SLC9C1: variants seen among roughly 807,000 people sequenced by gnomAD.
The protein encoded by SLC9C1 is sodium/hydrogen exchanger 10.
In SLC9C1, 97 loss-of-function variants were observed where a neutral mutation model predicts 140.9. The ratio of observed to expected loss-of-function variants is 0.69; its 90% CI spans 0.58 to 0.82. The LOEUF (loss-of-function observed/expected upper bound fraction) is 0.82. Among genes scored for constraint, SLC9C1 ranks in the 40% least tolerant of loss-of-function variants. The pLI is 0.00. For synonymous variants in SLC9C1, 440 were observed against 442.6 expected (o/e 0.99, Z 0.07); for missense variants, 1,340 against 1,389.3 (o/e 0.96, Z 0.56).
intron 28 of SLC9C1, among the ~76,000 whole-genome samples, chr3:112,150,819 T>TATATATATATATATAAATAC (rs2074945460): frequency 6.6e-5 from 3 of 45,232 alleles, no homozygotes; most frequent in African/African-American, 3.3e-4. Flanking sequence ...TAAATACATA[T>TATATATATATATATAAATAC]ACATATATAT....
intron 7 of SLC9C1, 138 bp downstream of exon 7, chr3:112,269,778 A>G (rs1357383632): frequency 1.3e-5 from 8 of 615,538 alleles, no homozygotes; most frequent in Non-Finnish European, 1.9e-5. Flanking sequence ...ATATCTTTTG[A>G]TAGATTATTT....
chr3:112,290,599 A>G (rs1009127102), intron 1 of SLC9C1, among the ~76,000 whole-genome samples: 4 of 151,956 alleles, frequency 2.6e-5, no homozygotes, highest in African/African-American at 9.7e-5. Flanking sequence ...TAGGTCCTGA[A>G]TATGTTTGTT....
In SLC9C1 at chr3:112,274,905, T is replaced by C. The variant is rs139072859; in HGVS notation, c.605A>G (p.His202Arg). Residue 202 changes from histidine to arginine, a missense_variant, in exon 6 of 29, where the codon CAT (histidine) becomes CGT (arginine). Transcript: ENST00000305815. The stretch of plus-strand genomic sequence containing the variant: ...TTTAAAAATATACTTACCTAAGGTA[T>C]GGTTTCTTTTACTTTGTAGTCTTTG... ...FDQRLQSKRN[H>R]TLAEEIVGGI... The C allele has an allele frequency of 6.6e-4, 1,018 of 1,550,994 alleles. 2 individuals are homozygous for C. Among genetic ancestry groups the C allele is most frequent in the South Asian group, 1.2e-3 (99 of 79,202 alleles).
chr3:112,258,683 C>T (rs1375830820), intron 10 of SLC9C1, among the ~76,000 whole-genome samples: 1 of 152,132 alleles, frequency 6.6e-6, no homozygotes. Context: ...TGGTCTCAAA[C>T]TCCTGACCTC....
intron 10 of SLC9C1, among the ~76,000 whole-genome samples, chr3:112,254,134 G>A (rs2079540408): frequency 2.0e-5 from 3 of 152,176 alleles, no homozygotes; most frequent in African/African-American, 7.2e-5. Context: ...TGCAAGGAAT[G>A]AGGAGAAAGC....
In SLC9C1 at chr3:112,274,992, C is replaced by G. The variant is rs374237193; in HGVS notation, c.518G>C (p.Gly173Ala). The G allele has an allele frequency of 3.3e-5, 52 of 1,577,904 alleles. No individual in the cohort carries two copies. The African/African-American group carries it at 6.6e-4, about 20-fold the overall frequency. ...LSRSLISLINGESLMTSVISL... is the reference protein window; with the variant it reads ...LSRSLISLINAESLMTSVISL... ...TATAACAGAGGTCATCAGACTTTCT[C>G]CATTAATTAAACTGATGAGGCTTCT... Residue 173 changes from glycine (G) to alanine (A), a missense_variant, in exon 6 of 29, where the codon GGA (glycine) becomes GCA (alanine). By Grantham distance (60) the Gly-to-Ala change is moderately conservative. Transcript: ENST00000305815.
chr3:112,221,086 C>T, intron 14 of SLC9C1, 42 bp downstream of exon 14: 2 of 1,519,148 alleles, frequency 1.3e-6, no homozygotes, highest in Non-Finnish European at 1.8e-6. Flanking sequence ...TTCCTAAATG[C>T]TGTGGCTTAG....
intron 15 of SLC9C1, among the ~76,000 whole-genome samples, chr3:112,216,514 AAAAC>A (rs1389473404): frequency 1.8e-4 from 27 of 151,182 alleles, no homozygotes; most frequent in Admixed American, 9.2e-4. Flanking sequence ...TTACAAGAAA[AAAAC>A]AAACAACCCC....
chr3:112,293,444 T>G (rs1260750583), intron 1 of SLC9C1, among the ~76,000 whole-genome samples: 1 of 152,222 alleles, frequency 6.6e-6, no homozygotes. Flanking sequence ...TAATTTACCA[T>G]GTTACTGAAC....
chr3:112,186,701 AAACTT>A (rs1409658243), intron 20 of SLC9C1, among the ~76,000 whole-genome samples: 7 of 152,356 alleles, frequency 4.6e-5, no homozygotes, highest in African/African-American at 1.7e-4. Context: ...TCATGTATGA[AAACTT>A]AACAAGTTTC....
chr3:112,247,598 G>C (rs961051739), intron 10 of SLC9C1, among the ~76,000 whole-genome samples: 5 of 152,090 alleles, frequency 3.3e-5, no homozygotes, highest in Non-Finnish European at 7.4e-5. Context: ...TTATGAAAGT[G>C]GCGTCCATCC....
intron 2 of SLC9C1, among the ~76,000 whole-genome samples, chr3:112,283,727 C>T (rs1467296394): frequency 6.6e-6 from 1 of 150,874 alleles, no homozygotes; most frequent in Non-Finnish European, 1.5e-5. Flanking sequence ...ATATTGGTTA[C>T]CACAGTTAAG....
chr3:112,290,382 T>G (rs923292119), intron 1 of SLC9C1, among the ~76,000 whole-genome samples: 3 of 152,196 alleles, frequency 2.0e-5, no homozygotes, highest in Admixed American at 1.3e-4. Flanking sequence ...AAATTTTTTT[T>G]TCAGAAAATA....
intron 14 of SLC9C1, 55 bp from the exon 15 acceptor site, chr3:112,217,616 A>G (rs2078420164): frequency 2.7e-6 from 4 of 1,474,362 alleles, no homozygotes; most frequent in African/African-American, 1.4e-5. Context: ...GATAAGTTTA[A>G]TGTTGTACTG....
At chr3:112,239,563 C>T (rs761549326) in intron 12 of SLC9C1, among the ~76,000 whole-genome samples, 2 of 152,166 alleles carry the variant, frequency 1.3e-5, no homozygotes, top group Non-Finnish European at 2.9e-5. Context: ...GGGAGCTGTA[C>T]ACTGGAGCTG....
intron 20 of SLC9C1, among the ~76,000 whole-genome samples, chr3:112,192,092 C>T (rs760921592): frequency 4.0e-4 from 60 of 151,130 alleles, no homozygotes; most frequent in Non-Finnish European, 6.0e-4. Context: ...GTAAAATACA[C>T]GTAACATAAA....
intron 10 of SLC9C1, among the ~76,000 whole-genome samples, chr3:112,255,507 C>G (rs983907911): frequency 1.3e-5 from 2 of 151,996 alleles, no homozygotes; most frequent in Admixed American, 6.6e-5. Flanking sequence ...AAAATAAAGG[C>G]AGAAATCAAG....
At chr3:112,220,564 C>G (rs984673602) in intron 14 of SLC9C1, among the ~76,000 whole-genome samples, 1 of 152,170 alleles carries the variant, frequency 6.6e-6, no homozygotes, top group East Asian at 1.9e-4. Context: ...GCAGTTTAAC[C>G]CCCCTCTTTG....
chr3:112,253,000 G>A (rs562395765), intron 10 of SLC9C1, among the ~76,000 whole-genome samples: 68 of 152,170 alleles, frequency 4.5e-4, no homozygotes, highest in African/African-American at 1.6e-3. Context: ...GATACCTTCA[G>A]GTCCTGGAAA....
Sources: allele counts gnomAD v4.1 joint callset (sites outside exome capture counted in the v4.1 genomes callset), GRCh38; gene constraint gnomAD v4.1.1; transcripts MANE v1.5; gene names NCBI Gene and HGNC (gene_info 2026-07-23, HGNC 2026-07-21).